PTPRD: variants seen among roughly 807,000 people sequenced by gnomAD.
PTPRD encodes the protein protein tyrosine phosphatase receptor type D.
In PTPRD, 34 loss-of-function variants were observed where a neutral mutation model predicts 214.5. That is an observed-to-expected ratio of 0.16 (90% CI 0.12 to 0.21). The LOEUF is 0.21. Among genes scored for constraint, PTPRD ranks in the 10% least tolerant of loss-of-function variants. The probability of loss-of-function intolerance (pLI) is 1.00; values close to 1 mark genes in which losing one functional copy is unlikely to be tolerated. For synonymous variants in PTPRD, 1,128 were observed against 845.7 expected (o/e 1.33, Z -5.79); for missense variants, 2,545 against 2,398.7 (o/e 1.06, Z -1.27).
At chr9:9,480,679 C>T (rs7868413) in intron 8 of PTPRD, among the ~76,000 whole-genome samples, 198 of 151,696 alleles carry the variant, frequency 1.3e-3, no homozygotes, top group African/African-American at 4.5e-3. Context: ...AAATATATAC[C>T]ATATATTTTT....
intron 2 of PTPRD, among the ~76,000 whole-genome samples, chr9:10,444,628 T>C (rs747741850): frequency 1.3e-5 from 2 of 151,760 alleles, no homozygotes; most frequent in African/African-American, 4.8e-5. Context: ...GGAAGATTAA[T>C]GACAAGTTTA....
chr9:9,456,771 G>A (rs750641933), intron 8 of PTPRD, among the ~76,000 whole-genome samples: 2 of 151,762 alleles, frequency 1.3e-5, no homozygotes, highest in Non-Finnish European at 2.9e-5. Context: ...GAAATAAAGA[G>A]GTTAAATAAC....
intron 7 of PTPRD, among the ~76,000 whole-genome samples, chr9:9,699,022 C>T (rs1003438283): frequency 2.6e-5 from 4 of 152,106 alleles, no homozygotes; most frequent in African/African-American, 9.7e-5. Flanking sequence ...TTTCTCTCTG[C>T]TACTATAAAA....
chr9:10,051,436 T>C (rs1288000204), intron 3 of PTPRD, among the ~76,000 whole-genome samples: 1 of 152,074 alleles, frequency 6.6e-6, no homozygotes, highest in Non-Finnish European at 1.5e-5. Context: ...ACAATCTTTT[T>C]TTTCAGTTTT....
chr9:9,014,790 G>C (rs1212100180), intron 11 of PTPRD, among the ~76,000 whole-genome samples: 1 of 152,094 alleles, frequency 6.6e-6, no homozygotes, highest in Non-Finnish European at 1.5e-5. Flanking sequence ...TGTTTAGAAA[G>C]GGGTAGATTA....
chr9:9,320,506 T>A (rs750881763), intron 9 of PTPRD, among the ~76,000 whole-genome samples: 1 of 151,698 alleles, frequency 6.6e-6, no homozygotes, highest in Non-Finnish European at 1.5e-5. Context: ...GATTGGGGAG[T>A]CCTCCTGGTC....
At position 9,741,265 on chromosome 9, in the gene PTPRD, C is replaced by T. The variant is rs1250970043; in HGVS notation, c.-325-6694G>A. On this transcript the variant is annotated intron_variant, in intron 6 of 45. Transcript: ENST00000381196. ...GGTACACATTTGGAATTTATTAGTA[C>T]TTTAGTGATAGAAGAAACATGGGAG... 2.0e-5 allele frequency among the ~76,000 whole-genome samples: 3 copies of T among 151,978 alleles called. No homozygotes were observed. The East Asian group carries it at 5.8e-4, about 29-fold the overall frequency.
At chr9:8,787,893 A>C (rs2096057980) in intron 11 of PTPRD, among the ~76,000 whole-genome samples, 1 of 85,828 alleles carries the variant, frequency 1.2e-5, no homozygotes. Flanking sequence ...CTAGAAAGGA[A>C]GCATTTTGCA....
intron 4 of PTPRD, among the ~76,000 whole-genome samples, chr9:10,022,926 T>C (rs2096851626): frequency 6.6e-6 from 1 of 152,210 alleles, no homozygotes; most frequent in South Asian, 2.1e-4. Flanking sequence ...AGTATTTTTA[T>C]GCTTCCAGAA....
chr9:8,933,911 C>G (rs2098971401), intron 11 of PTPRD, among the ~76,000 whole-genome samples: 1 of 152,106 alleles, frequency 6.6e-6, no homozygotes, highest in Admixed American at 6.5e-5. Context: ...CTGGCAAGTT[C>G]TCCATATAGA....
intron 9 of PTPRD, among the ~76,000 whole-genome samples, chr9:9,216,467 C>T (rs1410550065): frequency 6.6e-6 from 1 of 152,126 alleles, no homozygotes; most frequent in East Asian, 1.9e-4. Context: ...GTTGAGCCAC[C>T]CTTCTATATG....
At chr9:8,557,707 C>A (rs2084437806) in intron 14 of PTPRD, among the ~76,000 whole-genome samples, 1 of 136,008 alleles carries the variant, frequency 7.4e-6, no homozygotes, top group Non-Finnish European at 1.5e-5. Flanking sequence ...CACGCTACTG[C>A]ATTCCAGCCT....
chr9:8,367,613 C>T (rs7874090), intron 39 of PTPRD, among the ~76,000 whole-genome samples: 13,359 of 152,110 alleles, frequency 0.088, 635 homozygotes, highest in Middle Eastern at 0.11. Context: ...CACATTTTTC[C>T]GTGTTAAATA....
intron 11 of PTPRD, among the ~76,000 whole-genome samples, chr9:8,998,317 G>C (rs1421478686): frequency 1.3e-5 from 2 of 152,004 alleles, no homozygotes; most frequent in Non-Finnish European, 2.9e-5. Flanking sequence ...GTGACTTTTA[G>C]TGGAAGACAA....
intron 18 of PTPRD, among the ~76,000 whole-genome samples, chr9:8,524,078 G>C (rs1592724639): frequency 6.6e-6 from 1 of 151,238 alleles, no homozygotes; most frequent in Non-Finnish European, 1.5e-5. Context: ...ACTTCCACTG[G>C]ATAAAAAAAA....
Position 8,633,345 on chromosome 9 carries a change from A to G in PTPRD, c.324T>C (p.Ser108=), listed in dbSNP as rs1252728742. 2.5e-6 allele frequency: 4 copies of G among 1,612,668 alleles called. No individual in the cohort carries two copies. In the East Asian group the frequency reaches 6.7e-5, roughly 27 times the overall value. The change falls in exon 14 of 46, where the codon AGT becomes AGC. Residue 108 remains serine (S), a synonymous_variant. Coordinates refer to ENST00000381196, the MANE Select transcript of PTPRD (RefSeq NM_002839.4). The stretch of plus-strand genomic sequence containing the variant: ...GCAAAACTGTGAGTCTGGTGGATAC[A>G]CTTATTTCTCCCACATTATTTGAGG... ...CVASNNVGEI[S]VSTRLTVLRE... is the part of the protein sequence containing the mutation.
At chr9:9,944,005 G>A (rs866428939) in intron 4 of PTPRD, among the ~76,000 whole-genome samples, 1 of 152,046 alleles carries the variant, frequency 6.6e-6, no homozygotes, top group Non-Finnish European at 1.5e-5. Flanking sequence ...TCATGTCAGA[G>A]TATCTAAAAG....
chr9:8,764,615 G>A (rs2094593201), intron 11 of PTPRD, among the ~76,000 whole-genome samples: 1 of 151,930 alleles, frequency 6.6e-6, no homozygotes, highest in Admixed American at 6.6e-5. Context: ...GGCCAACATG[G>A]TGAAACCCCA....
chr9:10,004,685 T>A (rs2096429319), intron 4 of PTPRD, among the ~76,000 whole-genome samples: 1 of 152,038 alleles, frequency 6.6e-6, no homozygotes, highest in Non-Finnish European at 1.5e-5. Context: ...GATAATTCTA[T>A]TTTTAAAATA....
Sources: allele counts gnomAD v4.1 joint callset (sites outside exome capture counted in the v4.1 genomes callset), GRCh38; gene constraint gnomAD v4.1.1; transcripts MANE v1.5; gene names NCBI Gene and HGNC (gene_info 2026-07-23, HGNC 2026-07-21).